Variants in GLI3 observed in about 807,000 individuals in gnomAD.
GLI3 encodes transcription activator GLI3.
GLI3 carries 20 observed loss-of-function variants against 100.8 expected under a neutral mutation model. That is an observed-to-expected ratio of 0.20 (90% CI 0.14 to 0.29). The LOEUF is 0.29. Among genes scored for constraint, GLI3 ranks in the 10% least tolerant of loss-of-function variants. GLI3 has a pLI of 1.00. For synonymous variants in GLI3, 938 were observed against 860.5 expected, an observed-to-expected ratio of 1.09 and a Z score of -1.58; for missense variants, 2,040 against 2,128.5, an observed-to-expected ratio of 0.96 and a Z score of 0.82.
At chr7:42,257,110 T>G (rs1789092447) in intron 1 of GLI3, among the ~76,000 whole-genome samples, 1 of 152,186 alleles carries the variant, frequency 6.6e-6, no homozygotes, top group Admixed American at 6.5e-5. Context: ...TTGATTTTGA[T>G]ATATTGATCT....
chr7:41,992,177 A>G (rs1349804981), intron 10 of GLI3, among the ~76,000 whole-genome samples: 1 of 152,240 alleles, frequency 6.6e-6, no homozygotes, highest in African/African-American at 2.4e-5. Context: ...ATCATCCAAG[A>G]AAGCTGTGAC....
At chr7:42,179,944 G>A (rs1308657478) in intron 2 of GLI3, among the ~76,000 whole-genome samples, 2 of 152,218 alleles carry the variant, frequency 1.3e-5, no homozygotes, top group African/African-American at 2.4e-5. Flanking sequence ...TGATACACAA[G>A]TGTGAAGTTT....
At chr7:42,165,582 C>T (rs769393624) in intron 2 of GLI3, among the ~76,000 whole-genome samples, 5 of 152,130 alleles carry the variant, frequency 3.3e-5, no homozygotes, top group Non-Finnish European at 5.9e-5. Context: ...TTTATCATGC[C>T]ATTAAATCAA....
chr7:42,031,527 A>G (rs754354617), intron 7 of GLI3, among the ~76,000 whole-genome samples: 3 of 152,266 alleles, frequency 2.0e-5, no homozygotes, highest in Non-Finnish European at 2.9e-5. Flanking sequence ...CCCCAGATAC[A>G]GGTGGCAGCA....
At chr7:42,260,666 G>A (rs1267916563) in intron 1 of GLI3, among the ~76,000 whole-genome samples, 1 of 152,108 alleles carries the variant, frequency 6.6e-6, no homozygotes, top group Non-Finnish European at 1.5e-5. Context: ...GTGAATGAAG[G>A]GCCAGGGACA....
intron 2 of GLI3, among the ~76,000 whole-genome samples, chr7:42,221,883 T>C (rs1324494897): frequency 1.3e-5 from 2 of 152,172 alleles, no homozygotes; most frequent in Non-Finnish European, 2.9e-5. Flanking sequence ...GGAGGAAATA[T>C]TTTCACATAT....
intron 2 of GLI3, among the ~76,000 whole-genome samples, chr7:42,186,627 G>C (rs1188423770): frequency 6.6e-6 from 1 of 152,164 alleles, no homozygotes; most frequent in Non-Finnish European, 1.5e-5. Flanking sequence ...GCAAAATTCA[G>C]GGTCTTTCAG....
chr7:42,011,410 G>A (rs1266184286), intron 10 of GLI3, among the ~76,000 whole-genome samples: 1 of 152,212 alleles, frequency 6.6e-6, no homozygotes, highest in African/African-American at 2.4e-5. Context: ...CCCACTTCTA[G>A]GGATATACCC....
intron 3 of GLI3, among the ~76,000 whole-genome samples, chr7:42,131,455 T>C (rs781099104): frequency 7.9e-5 from 12 of 152,326 alleles, no homozygotes; most frequent in South Asian, 2.1e-4. Flanking sequence ...CACATCGCCA[T>C]TGGGTGATTT....
intron 10 of GLI3, among the ~76,000 whole-genome samples, chr7:42,003,036 G>A (rs564873008): frequency 1.3e-5 from 2 of 152,334 alleles, no homozygotes; most frequent in South Asian, 4.1e-4. Flanking sequence ...CATGAGGACA[G>A]GCATCTTTGA....
intron 2 of GLI3, among the ~76,000 whole-genome samples, chr7:42,178,245 C>T (rs941760607): frequency 6.6e-6 from 1 of 152,208 alleles, no homozygotes; most frequent in Non-Finnish European, 1.5e-5. Context: ...ACCTAAAGTG[C>T]CAACAAAGTT....
intron 1 of GLI3, among the ~76,000 whole-genome samples, chr7:42,263,529 C>A (rs980661212): frequency 6.6e-6 from 1 of 151,998 alleles, no homozygotes; most frequent in Non-Finnish European, 1.5e-5. Context: ...TCACTGCAAC[C>A]TCCTCCTCAC....
At chr7:42,233,609 A>C (rs1162561178) in intron 1 of GLI3, among the ~76,000 whole-genome samples, 2 of 152,246 alleles carry the variant, frequency 1.3e-5, no homozygotes, top group Non-Finnish European at 2.9e-5. Flanking sequence ...TTTCATTTAA[A>C]GTCTTCGCCA....
intron 2 of GLI3, among the ~76,000 whole-genome samples, chr7:42,202,454 G>A (rs1788063905): frequency 6.6e-6 from 1 of 151,658 alleles, no homozygotes; most frequent in Admixed American, 6.6e-5. Context: ...CTAAAAACAT[G>A]TAAGACAGCA....
At chr7:42,199,798 G>A (rs575549923) in intron 2 of GLI3, among the ~76,000 whole-genome samples, 1 of 152,310 alleles carries the variant, frequency 6.6e-6, no homozygotes, top group South Asian at 2.1e-4. Context: ...GCTCACACCT[G>A]TAATCCCAGC....
intron 1 of GLI3, among the ~76,000 whole-genome samples, chr7:42,251,724 T>A (rs1254919865): frequency 6.6e-6 from 1 of 152,144 alleles, no homozygotes; most frequent in Non-Finnish European, 1.5e-5. Context: ...CCCTTTTACA[T>A]GATGGAACAG....
chr7:42,238,334 G>T (rs1397120880), upstream of GLI3, among the ~76,000 whole-genome samples: 2 of 151,912 alleles, frequency 1.3e-5, no homozygotes, highest in Admixed American at 1.3e-4. Flanking sequence ...TTCTTTTAAG[G>T]CTTCTCTGAT....
At chr7:42,213,582 G>C (rs1387241863) in intron 2 of GLI3, among the ~76,000 whole-genome samples, 4 of 152,124 alleles carry the variant, frequency 2.6e-5, no homozygotes, top group Non-Finnish European at 5.9e-5. Context: ...CATTTTCCAA[G>C]GTCTGGGGTT....
At chr7:42,090,260 C>T (rs1191911860) in intron 3 of GLI3, among the ~76,000 whole-genome samples, 1 of 152,174 alleles carries the variant, frequency 6.6e-6, no homozygotes, top group African/African-American at 2.4e-5. Context: ...CATCCCTGTA[C>T]AGTACTGTTG....
Sources: allele counts gnomAD v4.1 joint callset (sites outside exome capture counted in the v4.1 genomes callset), GRCh38; gene constraint gnomAD v4.1.1; transcripts MANE v1.5; gene names NCBI Gene and HGNC (gene_info 2026-07-23, HGNC 2026-07-21).